Variants in EPHA6 observed in about 807,000 individuals in gnomAD.
EPHA6 encodes the protein ephrin type-A receptor 6.
In EPHA6, 50 loss-of-function variants were observed where a neutral mutation model predicts 112.0. The observed-to-expected ratio is 0.45, with a 90% confidence interval of 0.36 to 0.56. EPHA6 has a LOEUF of 0.56. Ranked by LOEUF, EPHA6 falls within the 20% of genes least tolerant of loss-of-function variation. EPHA6 has a pLI of 0.00. For missense variants in EPHA6, 1,280 were observed against 1,417.4 expected, an observed-to-expected ratio of 0.90 and a Z score of 1.56; for synonymous variants, 529 against 490.7, an observed-to-expected ratio of 1.08 and a Z score of -1.03.
chr3:96,904,562 C>T (rs2038820888), intron 2 of EPHA6, among the ~76,000 whole-genome samples: 1 of 151,066 alleles, frequency 6.6e-6, no homozygotes, highest in Non-Finnish European at 1.5e-5. Flanking sequence ...ACATATGTAA[C>T]TAACCTGCAC....
At chr3:97,341,413 G>A (rs1421486281) in intron 5 of EPHA6, among the ~76,000 whole-genome samples, 1 of 151,400 alleles carries the variant, frequency 6.6e-6, no homozygotes, top group Non-Finnish European at 1.5e-5. Flanking sequence ...GGAGTGCAGT[G>A]GCACAATCTC....
intron 3 of EPHA6, among the ~76,000 whole-genome samples, chr3:97,208,154 T>C (rs1271638485): frequency 3.3e-5 from 5 of 152,136 alleles, no homozygotes; most frequent in African/African-American, 9.7e-5. Flanking sequence ...TGTGCCCTTG[T>C]AATCCATGAG....
At position 96,814,889 on chromosome 3, in the gene EPHA6, G is replaced by T. The variant is rs938426577; in HGVS notation, c.266G>T (p.Arg89Ile). The T allele has an allele frequency of 3.2e-5, 50 of 1,554,304 alleles. No individual in the cohort carries two copies. Among genetic ancestry groups the T allele is most frequent in the Non-Finnish European group, 3.8e-5 (44 of 1,148,308 alleles). ...CRHFSLRERK[R>I]EPRRTMGGCE... Reference sequence around the variant, plus strand: ...CACTTCTCTTTAAGGGAGAGGAAAAGAGAGCCTAGGAGAACCATGGGGGGC... The same window carrying T: ...CACTTCTCTTTAAGGGAGAGGAAAATAGAGCCTAGGAGAACCATGGGGGGC... The change falls in exon 1 of 18, where the codon AGA (arginine) becomes ATA (isoleucine). Residue 89 changes from arginine to isoleucine, a missense_variant. Around this residue, in one of 4 missense-constraint regions of EPHA6, gnomAD observed 220 missense variants for 171.5 expected, o/e 1.28. Transcript: ENST00000389672.
chr3:97,168,199 G>A (rs1054316810), intron 3 of EPHA6, among the ~76,000 whole-genome samples: 1 of 152,010 alleles, frequency 6.6e-6, no homozygotes, highest in Non-Finnish European at 1.5e-5. Flanking sequence ...TTTTTTTACT[G>A]TGACTGAAAA....
rs2035243419 is a variant in EPHA6, at chr3:97,736,171, A to G, written c.3128+53A>G. The G allele has an allele frequency of 7.5e-6, 11 of 1,474,406 alleles. No individual in the cohort carries two copies. The East Asian group carries it at 2.5e-4, about 34-fold the overall frequency. The allele number at this position is 1,474,406 out of a possible 1,614,324, so 91.3% of individuals were successfully genotyped here. ...CTTCTTGACAATTATGGTTTCTTTC[A>G]GGCTATAGATAATAATAACAGGTAG... On this transcript the variant is annotated intron_variant, in intron 16 of 17. Coordinates refer to ENST00000389672, the MANE Select transcript of EPHA6 (RefSeq NM_001080448.3).
chr3:97,592,001 T>C (rs2093549594), intron 11 of EPHA6, among the ~76,000 whole-genome samples: 1 of 152,234 alleles, frequency 6.6e-6, no homozygotes, highest in Non-Finnish European at 1.5e-5. Flanking sequence ...ACTTTTTCTT[T>C]ACAATATCCT....
intron 11 of EPHA6, among the ~76,000 whole-genome samples, chr3:97,586,751 C>G (rs948603019): frequency 1.2e-4 from 18 of 152,044 alleles, no homozygotes; most frequent in Admixed American, 9.8e-4. Context: ...GACAGACAGA[C>G]AGATAAGGTT....
chr3:97,403,189 T>G (rs1018596450), intron 5 of EPHA6, among the ~76,000 whole-genome samples: 5 of 152,066 alleles, frequency 3.3e-5, no homozygotes, highest in Non-Finnish European at 7.4e-5. Context: ...AGCTTCAAAA[T>G]TACAATACCA....
Position 97,484,013 on chromosome 3 carries a change from G to A in EPHA6, c.2154G>A (p.Lys718=). The change falls in exon 10 of 18, where the codon AAG becomes AAA. Residue 718 remains lysine, a synonymous_variant. Transcript: ENST00000389672. ...CCCTAGCAGTCCATGAATTTGCAAA[G>A]GAGATTGATCCCTCAAGAATTCGTA... ...DPSLAVHEFA[K]EIDPSRIRIE... is the part of the protein sequence containing the mutation. The A allele has an allele frequency of 1.1e-5, 17 of 1,610,706 alleles. No individual in the cohort carries two copies. The highest frequency in any genetic ancestry group is 1.4e-5 in the Non-Finnish European group (16 of 1,178,436).
intron 5 of EPHA6, among the ~76,000 whole-genome samples, chr3:97,327,313 C>G (rs1171857222): frequency 1.3e-5 from 2 of 151,934 alleles, no homozygotes; most frequent in African/African-American, 2.4e-5. Flanking sequence ...GATTCACATG[C>G]AAATATAAGA....
In EPHA6 at chr3:96,820,199, C is replaced by A. The variant is rs569270854; in HGVS notation, c.385+5191C>A. Among the ~76,000 whole-genome samples, 3 of 152,106 alleles carry A rather than the reference C, an allele frequency of 2.0e-5. No homozygotes were observed. In the South Asian group the frequency reaches 6.2e-4, roughly 32 times the overall value. ...CAGAAAGTGAAGTCTGAAAGATAGT[C>A]GGGAACCAGAGTCCTCAGAGTAGAA... On this transcript the variant is annotated intron_variant, in intron 1 of 17. Coordinates refer to ENST00000389672, the MANE Select transcript of EPHA6 (RefSeq NM_001080448.3).
intron 2 of EPHA6, among the ~76,000 whole-genome samples, chr3:96,899,041 AAAAC>A (rs1445658478): frequency 2.5e-4 from 37 of 146,882 alleles, no homozygotes; most frequent in African/African-American, 8.1e-4. Flanking sequence ...AAAAAAAACA[AAAAC>A]AAACAAACAA....
chr3:96,862,748 G>A (rs956335104), intron 1 of EPHA6, among the ~76,000 whole-genome samples: 15 of 151,774 alleles, frequency 9.9e-5, no homozygotes, highest in African/African-American at 3.6e-4. Context: ...ATAAAGACTT[G>A]ATAAAATATT....
chr3:97,350,045 A>G (rs951610388), intron 5 of EPHA6, among the ~76,000 whole-genome samples: 2 of 151,730 alleles, frequency 1.3e-5, no homozygotes, highest in Admixed American at 6.6e-5. Context: ...GGTAACTCCC[A>G]TGGTTTGTTT....
chr3:96,947,254 C>T (rs1014204078), intron 2 of EPHA6, among the ~76,000 whole-genome samples: 6 of 152,112 alleles, frequency 3.9e-5, no homozygotes, highest in Admixed American at 1.3e-4. Flanking sequence ...AAGTCCTTGC[C>T]TATGCCTATG....
intron 6 of EPHA6, among the ~76,000 whole-genome samples, chr3:97,425,530 G>A (rs571088332): frequency 6.6e-5 from 10 of 152,336 alleles, no homozygotes; most frequent in African/African-American, 2.4e-4. Flanking sequence ...GCTGTGCACA[G>A]CAGAGGGGCC....
chr3:97,485,571 G>A lies in EPHA6; in HGVS notation c.2200+1512G>A, dbSNP rs1053600253. 5.9e-5 allele frequency among the ~76,000 whole-genome samples: 9 copies of A among 152,098 alleles called. No homozygotes were observed. The South Asian group carries it at 1.9e-3, about 32-fold the overall frequency. The stretch of plus-strand genomic sequence containing the variant: ...GTCTCCCTCTGAAAGCTGCCACAAG[G>A]GCCTTTATGTTCATAATCTTTATGT... On this transcript the variant is annotated intron_variant, in intron 10 of 17. Coordinates refer to ENST00000389672, the MANE Select transcript of EPHA6 (RefSeq NM_001080448.3).
At chr3:97,608,471 G>T (rs1371655662) in intron 12 of EPHA6, among the ~76,000 whole-genome samples, 1 of 151,182 alleles carries the variant, frequency 6.6e-6, no homozygotes, top group African/African-American at 2.4e-5. Context: ...AGTGAATGAG[G>T]ATACAAAGCA....
chr3:97,038,749 G>C (rs761393228), intron 3 of EPHA6, among the ~76,000 whole-genome samples: 2 of 152,014 alleles, frequency 1.3e-5, no homozygotes, highest in Non-Finnish European at 2.9e-5. Flanking sequence ...GGGGAAGCTG[G>C]TTGTCTACTT....
Sources: gnomAD v4.1 joint callset for allele counts (sites outside exome capture counted in the v4.1 genomes callset) on GRCh38, gnomAD v4.1.1 for gene constraint, gnomAD v4.1.1 regional missense constraint, MANE v1.5 for transcripts, NCBI Gene and HGNC (gene_info 2026-07-23, HGNC 2026-07-21) for gene names.